Variants in MX2 observed in about 807,000 individuals in gnomAD.
MX2 encodes the protein MX dynamin like GTPase 2, also known as interferon-induced GTP-binding protein Mx2.
Under a neutral mutation model 74.0 loss-of-function variants are expected in MX2, and 51 were observed. That is an observed-to-expected ratio of 0.69 (90% CI 0.55 to 0.87). The LOEUF is 0.87. Ranked by LOEUF, MX2 falls within the 40% of genes least tolerant of loss-of-function variation. The pLI is 0.00. For missense variants in MX2, 832 were observed against 908.7 expected (o/e 0.92, Z 1.09); for synonymous variants, 369 against 339.3 (o/e 1.09, Z -0.96).
chr21:41,399,109 G>A, intron 9 of MX2, 87 bp from the exon 10 acceptor site: 1 of 1,594,216 alleles, frequency 6.3e-7, no homozygotes, highest in Non-Finnish European at 8.6e-7. Context: ...ATGAGATGAG[G>A]TGGGCGGGTG....
At chr21:41,367,894 C>G (rs9980351) in intron 1 of MX2, among the ~76,000 whole-genome samples, 1 of 152,246 alleles carries the variant, frequency 6.6e-6, no homozygotes, top group East Asian at 1.9e-4. Flanking sequence ...TGACCTCACC[C>G]TGTTCCTCAT....
rs375674584 is a variant in MX2, at chr21:41,398,908, G to A, written c.1161G>A (p.Pro387=). ...ELIMHIQKSL[P]LLEGQIRESH... ...ATTGTTTTGTTTAGAAATCGCTCCC[G>A]TTGTTAGAAGGACAAATAAGGGAGA... Residue 387 remains proline, a synonymous_variant, in exon 9 of 14, where the codon CCG becomes CCA. Transcript: ENST00000330714. 7.4e-6 allele frequency: 12 copies of A among 1,612,910 alleles called. No homozygotes were observed. The highest frequency in any genetic ancestry group is 3.3e-5 in the Admixed American group (2 of 59,846).
Position 41,380,029 on chromosome 21 carries a change from G to A in MX2, c.455G>A (p.Arg152Lys). 1.2e-6 allele frequency: 2 copies of A among 1,614,028 alleles called. No individual in the cohort carries two copies. Among genetic ancestry groups the A allele is most frequent in the Non-Finnish European group, 1.7e-6 (2 of 1,179,928 alleles). Reference protein sequence around the residue: ...ALPRGSGIVTRCPLVLKLKKQ... With the variant: ...ALPRGSGIVTKCPLVLKLKKQ... ...ACCTCTCGCTCAGGAATCGTAACCA[G>A]GTGTCCGCTGGTGCTGAAACTGAAA... is the stretch of plus-strand genomic sequence containing the variant. Residue 152 changes from arginine to lysine, a missense_variant, in exon 4 of 14, where the codon AGG becomes AAG. Physicochemically the swap from Arg to Lys is conservative, Grantham distance 26 (BLOSUM62 2). Transcript: ENST00000330714. This position sits in a 1 kb window ranked among gnomAD's most constrained non-coding sequence, Gnocchi z 4.3.
chr21:41,365,139 G>A (rs960569859), intron 1 of MX2: 2 of 152,210 alleles, frequency 1.3e-5, no homozygotes, highest in African/African-American at 4.8e-5. Flanking sequence ...AATTAAAGAC[G>A]AGGTTGTTTT....
At position 41,402,331 on chromosome 21, in the gene MX2, C is replaced by T. The variant is rs1378515582; in HGVS notation, c.1573+203C>T. ...GCTGGTCAGAGCTACCGATTCTGCC[C>T]TTCTGCCTGAGAACTCGTACTGAGG... On this transcript the variant is annotated intron_variant, in intron 11 of 13. Transcript: ENST00000330714. This position sits in a 1 kb window ranked among gnomAD's most constrained non-coding sequence, Gnocchi z 4.5. 5.5e-6 allele frequency: 3 copies of T among 549,378 alleles called. No individual in the cohort carries two copies. The highest frequency in any genetic ancestry group is 3.0e-6 in the Non-Finnish European group (1 of 331,778). 34.0% of individuals were successfully genotyped at this position (549,378 alleles called of 1,614,324 possible).
At chr21:41,395,515 A>G in intron 6 of MX2, 72 bp from the exon 7 acceptor site, 1 of 1,448,040 alleles carries the variant, frequency 6.9e-7, no homozygotes, top group Non-Finnish European at 9.6e-7. Flanking sequence ...AGGAGCCCAT[A>G]GTCCAGTAGG....
intron 1 of MX2, among the ~76,000 whole-genome samples, chr21:41,375,536 C>T (rs539709561): frequency 2.6e-5 from 4 of 152,332 alleles, no homozygotes; most frequent in Admixed American, 1.3e-4. Flanking sequence ...TGGCAGAGGC[C>T]TTGGCATTCC....
Position 41,408,165 on chromosome 21 carries a change from G to A in MX2, c.2080G>A (p.Glu694Lys), listed in dbSNP as rs764691559. The A allele has an allele frequency of 6.2e-7, 1 of 1,614,072 alleles. No individual in the cohort carries two copies. Among genetic ancestry groups the A allele is most frequent in the Non-Finnish European group, 8.5e-7 (1 of 1,180,052 alleles). ...CGCTACCAAGAGAAGAATCCTTAAG[G>A]AGAGAATTTACCGGCTCACTCAGGC... ...ETATKRRILK[E>K]RIYRLTQARH... Residue 694 changes from glutamate to lysine, a missense_variant, in exon 14 of 14, where the codon GAG becomes AAG. Transcript: ENST00000330714.
At chr21:41,384,724 A>T (rs936427209) in intron 5 of MX2, among the ~76,000 whole-genome samples, 3 of 152,002 alleles carry the variant, frequency 2.0e-5, no homozygotes, top group African/African-American at 7.2e-5. Context: ...TATAAAAATT[A>T]ATTAGGTTCC....
rs1373036647 is a variant in MX2 at position 41,403,248 on chromosome 21, T to A, written c.1574-19T>A. 3.3e-6 allele frequency: 5 copies of A among 1,503,416 alleles called. No individual in the cohort carries two copies. The Admixed American group carries it at 1.0e-4, about 30-fold the overall frequency. 93.1% of individuals were successfully genotyped at this position (1,503,416 alleles called of 1,614,324 possible). On this transcript the variant is annotated intron_variant, in intron 11 of 13. Transcript: ENST00000330714. Reference sequence around the variant, plus strand: ...ACTGATGTTTTCTTCTTCTTCTCCTTTTTGCTTTTTTTGGTCAGAAATTAT... The same window carrying A: ...ACTGATGTTTTCTTCTTCTTCTCCTATTTGCTTTTTTTGGTCAGAAATTAT...
chr21:41,377,735 C>T (rs1474675316), intron 2 of MX2, 54 bp from the exon 3 acceptor site: 7 of 1,541,882 alleles, frequency 4.5e-6, no homozygotes, highest in Non-Finnish European at 6.2e-6. Flanking sequence ...ATCTCCATGA[C>T]ACCAGGGACC....
Position 41,388,824 on chromosome 21 carries a change from C to T in MX2, c.733-1741C>T, listed in dbSNP as rs2089616579. Among the ~76,000 whole-genome samples, 1 of 152,192 alleles carries T rather than the reference C, an allele frequency of 6.6e-6. No homozygotes were observed. ...CCAGAGCTTTTGTACCCCCAGGGGA[C>T]ACTGGCAATGTCAGGACATCTTTTT... is the stretch of plus-strand genomic sequence containing the variant. On this transcript the variant is annotated intron_variant, in intron 5 of 13. Transcript: ENST00000330714. The surrounding 1 kb of genome is among the most constrained non-coding windows in gnomAD (Gnocchi z 4.0).
At chr21:41,376,378 T>TAC (rs1291219093) in intron 1 of MX2, among the ~76,000 whole-genome samples, 1 of 151,832 alleles carries the variant, frequency 6.6e-6, no homozygotes, top group African/African-American at 2.4e-5. Flanking sequence ...CTATAAAAAA[T>TAC]ACACACACAC....
intron 5 of MX2, among the ~76,000 whole-genome samples, chr21:41,383,784 C>G (rs2089530040): frequency 6.6e-6 from 1 of 152,214 alleles, no homozygotes; most frequent in Non-Finnish European, 1.5e-5. Context: ...TCTCTAAGAG[C>G]AGGGAAATTA....
chr21:41,379,922 G>A, intron 3 of MX2, 95 bp from the exon 4 acceptor site: 1 of 1,512,160 alleles, frequency 6.6e-7, no homozygotes. Flanking sequence ...TGCAGACGAG[G>A]CCTTTGGGGA....
intron 5 of MX2, among the ~76,000 whole-genome samples, chr21:41,386,884 T>C (rs1222710834): frequency 6.6e-6 from 1 of 152,240 alleles, no homozygotes; most frequent in Non-Finnish European, 1.5e-5. Flanking sequence ...TCTTAGTTTC[T>C]GTTTCTGGTT....
At position 41,377,027 on chromosome 21, in the gene MX2, C is replaced by T; in HGVS notation, c.121C>T (p.Pro41Ser). Residue 41 changes from proline to serine, a missense_variant, in exon 2 of 14, where the codon CCA becomes TCA. Pro to Ser is a moderately conservative substitution (Grantham distance 74, BLOSUM62 -1). Coordinates refer to ENST00000330714, the MANE Select transcript of MX2 (RefSeq NM_002463.2). ...GCCACCGCCATTCGGCACAGTGCCA[C>T]CACAAATGATGTTTCCTCCAAACTG... ...QQPPPFGTVP[P>S]QMMFPPNWQG... The T allele has an allele frequency of 6.2e-7, 1 of 1,614,240 alleles. No individual in the cohort carries two copies.
Position 41,406,620 on chromosome 21 carries a change from C to G in MX2, c.1651-124C>G, listed in dbSNP as rs574587419. Reference sequence around the variant, plus strand: ...TTCTAAAAATCATCATTTCAAGTCTCAGGACTTCTTTGACTATGGATTCGT... The same window carrying G: ...TTCTAAAAATCATCATTTCAAGTCTGAGGACTTCTTTGACTATGGATTCGT... On this transcript the variant is annotated intron_variant, in intron 12 of 13. Transcript: ENST00000330714. The G allele has an allele frequency of 5.9e-6, 6 of 1,019,494 alleles. No individual in the cohort carries two copies. The African/African-American group carries it at 9.8e-5, about 17-fold the overall frequency. The allele number at this position is 1,019,494 out of a possible 1,614,324, so 63.2% of individuals were successfully genotyped here.
At chr21:41,376,805 G>A in intron 1 of MX2, 31 bp from the exon 2 acceptor site, 1 of 1,540,840 alleles carries the variant, frequency 6.5e-7, no homozygotes, top group Non-Finnish European at 8.8e-7. Flanking sequence ...CTGGTGACCT[G>A]TGGGCCGCTC....
Sources: allele counts gnomAD v4.1 joint callset (sites outside exome capture counted in the v4.1 genomes callset), GRCh38; gene constraint gnomAD v4.1.1; non-coding constraint Gnocchi (gnomAD v3.1); transcripts MANE v1.5; gene names NCBI Gene and HGNC (gene_info 2026-07-23, HGNC 2026-07-21).